The following SLC9A9 variants were observed in gnomAD, a reference collection of about 807,000 sequenced individuals.
SLC9A9 encodes the protein sodium/hydrogen exchanger 9.
In SLC9A9, 62 loss-of-function variants were observed where a neutral mutation model predicts 77.8. The ratio of observed to expected loss-of-function variants is 0.80; its 90% CI spans 0.65 to 0.98. The LOEUF (loss-of-function observed/expected upper bound fraction) is 0.98, where lower values mean the gene tolerates loss of function less well. Among genes scored for constraint, SLC9A9 ranks in the 50% least tolerant of loss-of-function variants. The pLI is 0.00. For synonymous variants in SLC9A9, 320 were observed against 283.5 expected (o/e 1.13, Z -1.29); for missense variants, 775 against 774.9 (o/e 1.00, Z 0.00).
At chr3:143,813,923 G>A (rs2008936336) in intron 2 of SLC9A9, among the ~76,000 whole-genome samples, 1 of 152,166 alleles carries the variant, frequency 6.6e-6, no homozygotes, top group Non-Finnish European at 1.5e-5. Flanking sequence ...GGAAACCATT[G>A]CCAGGCTGCA....
At chr3:143,789,842 T>A (rs146153694) in intron 4 of SLC9A9, among the ~76,000 whole-genome samples, 123 of 152,244 alleles carry the variant, frequency 8.1e-4, no homozygotes, top group African/African-American at 2.6e-3. Context: ...AGAAGCCCAA[T>A]GAGAAATCAA....
At chr3:143,449,590 AAT>A (rs1304498173) in intron 12 of SLC9A9, among the ~76,000 whole-genome samples, 3 of 19,706 alleles carry the variant, frequency 1.5e-4, no homozygotes, top group Non-Finnish European at 2.2e-4. Flanking sequence ...AATTATATAA[AAT>A]ATAATTATAT....
At chr3:143,286,284 CAATA>C (rs1938379895) in intron 14 of SLC9A9, among the ~76,000 whole-genome samples, 1 of 152,120 alleles carries the variant, frequency 6.6e-6, no homozygotes, top group South Asian at 2.1e-4. Flanking sequence ...GTGGGGGTCT[CAATA>C]AACCTTCCCA....
chr3:143,657,063 G>A (rs534549741), intron 5 of SLC9A9, among the ~76,000 whole-genome samples: 1 of 152,230 alleles, frequency 6.6e-6, no homozygotes, highest in East Asian at 1.9e-4. Flanking sequence ...GCTGAAATAT[G>A]GGAATTATTT....
intron 2 of SLC9A9, among the ~76,000 whole-genome samples, chr3:143,798,932 C>T (rs987891184): frequency 1.3e-5 from 2 of 152,102 alleles, no homozygotes; most frequent in Non-Finnish European, 2.9e-5. Context: ...CCAGGCTGCT[C>T]CTTGCCAGGC....
chr3:143,517,452 C>A, intron 9 of SLC9A9: 1 of 1,597,464 alleles, frequency 6.3e-7, no homozygotes, highest in East Asian at 2.2e-5. Flanking sequence ...CTCTCATGCT[C>A]CTCTTGAGCC....
In SLC9A9 at chr3:143,703,407, A is replaced by T. The variant is rs150974662; in HGVS notation, c.534-10100T>A. Among the ~76,000 whole-genome samples the T allele has an allele frequency of 5.4e-3, 824 of 152,236 alleles. 8 individuals are homozygous for T. The highest frequency in any genetic ancestry group is 0.019 in the African/African-American group (794 of 41,558). On this transcript the variant is annotated intron_variant, in intron 4 of 15. Coordinates refer to ENST00000316549, the MANE Select transcript of SLC9A9 (RefSeq NM_173653.4). ...TGGAATAAAACAAAAAAATAGTAAC[A>T]AGGAGAATTTTGGAAACTATACAAA...
chr3:143,300,216 C>T (rs1358042085), intron 14 of SLC9A9, among the ~76,000 whole-genome samples: 1 of 152,156 alleles, frequency 6.6e-6, no homozygotes, highest in Non-Finnish European at 1.5e-5. Context: ...TAGGTCTGAG[C>T]CTCAGTTTGG....
At chr3:143,570,586 A>G (rs977685379) in intron 8 of SLC9A9, among the ~76,000 whole-genome samples, 1 of 152,314 alleles carries the variant, frequency 6.6e-6, no homozygotes, top group Middle Eastern at 3.4e-3. Context: ...AATAATCAAA[A>G]GGTTGTTACA....
Position 143,518,090 on chromosome 3 carries a change from T to C in SLC9A9, c.1090-22642A>G, listed in dbSNP as rs2036233634. On this transcript the variant is annotated intron_variant, in intron 9 of 15. Transcript: ENST00000316549. Reference sequence around the variant, plus strand: ...GGTATTTTCTTCTGATTTAGCTTTCTGAGTAGCAGGTGGTACTTTACCTCC... The same window carrying C: ...GGTATTTTCTTCTGATTTAGCTTTCCGAGTAGCAGGTGGTACTTTACCTCC... 6.4e-6 allele frequency: 10 copies of C among 1,572,478 alleles called. No homozygotes were observed. In the Admixed American group the frequency reaches 8.3e-5, roughly 13 times the overall value.
intron 6 of SLC9A9, among the ~76,000 whole-genome samples, chr3:143,630,820 G>A (rs898877345): frequency 1.3e-5 from 2 of 152,070 alleles, no homozygotes; most frequent in African/African-American, 4.8e-5. Flanking sequence ...TCAGTTAATA[G>A]CTTAAAACAA....
chr3:143,826,024 T>C (rs2121774), intron 2 of SLC9A9, among the ~76,000 whole-genome samples: 139,724 of 152,174 alleles, frequency 0.92, 64,709 homozygotes, highest in South Asian at 0.98. Flanking sequence ...TTTGGGAGGC[T>C]GAGGCAGGCA....
intron 14 of SLC9A9, among the ~76,000 whole-genome samples, chr3:143,317,871 G>T (rs1168422266): frequency 1.3e-5 from 2 of 152,124 alleles, no homozygotes; most frequent in Non-Finnish European, 2.9e-5. Context: ...GAGACTACAG[G>T]CACCCGCCAC....
In SLC9A9 at chr3:143,368,494, T is replaced by C. The variant is rs112214792; in HGVS notation, c.1525-4931A>G. Among the ~76,000 whole-genome samples the C allele has an allele frequency of 2.2e-4, 33 of 152,318 alleles. 1 individual carries two copies. The highest frequency in any genetic ancestry group is 7.0e-4 in the African/African-American group (29 of 41,564). On this transcript the variant is annotated intron_variant, in intron 13 of 15. Coordinates refer to ENST00000316549, the MANE Select transcript of SLC9A9 (RefSeq NM_173653.4). ...TCTGCTTTGGGATAATCATACGGGATTGCTCCTCATTTCAGGGGGATTCAG... is the reference window on the plus strand; with the variant it reads ...TCTGCTTTGGGATAATCATACGGGACTGCTCCTCATTTCAGGGGGATTCAG...
In SLC9A9 at chr3:143,431,583, G is replaced by C. The variant is rs192648759; in HGVS notation, c.1469+35454C>G. On this transcript the variant is annotated intron_variant, in intron 12 of 15. Transcript: ENST00000316549. Reference sequence around the variant, plus strand: ...CTGCAAGCTCCGCCTCCCAGGTTCAGGCCATTCTCCTGCCTCAGCCTCCTG... The same window carrying C: ...CTGCAAGCTCCGCCTCCCAGGTTCACGCCATTCTCCTGCCTCAGCCTCCTG... Among the ~76,000 whole-genome samples the C allele has an allele frequency of 5.9e-4, 89 of 150,978 alleles. 1 individual carries two copies. The East Asian group carries it at 0.016, about 27-fold the overall frequency.
chr3:143,691,935 A>G (rs968057148), intron 5 of SLC9A9, among the ~76,000 whole-genome samples: 6 of 152,110 alleles, frequency 3.9e-5, no homozygotes, highest in African/African-American at 1.4e-4. Context: ...TAGCAATCCA[A>G]TAATATGATG....
At chr3:143,351,963 C>T (rs1326506320) in intron 14 of SLC9A9, among the ~76,000 whole-genome samples, 1 of 152,110 alleles carries the variant, frequency 6.6e-6, no homozygotes, top group East Asian at 1.9e-4. Context: ...AAAAGTTGGC[C>T]AATCCAGTTA....
intron 8 of SLC9A9, among the ~76,000 whole-genome samples, chr3:143,563,448 T>C (rs980615473): frequency 2.6e-5 from 4 of 152,012 alleles, no homozygotes; most frequent in African/African-American, 9.7e-5. Flanking sequence ...ATACTGGGAG[T>C]CAGAAGACAT....
intron 4 of SLC9A9, among the ~76,000 whole-genome samples, chr3:143,779,436 A>G (rs2007800800): frequency 6.6e-6 from 1 of 152,082 alleles, no homozygotes; most frequent in African/African-American, 2.4e-5. Flanking sequence ...AAGTGGCACA[A>G]TCTCGGCTCA....
Sources: allele counts gnomAD v4.1 joint callset (sites outside exome capture counted in the v4.1 genomes callset), GRCh38; gene constraint gnomAD v4.1.1; transcripts MANE v1.5; gene names NCBI Gene and HGNC (gene_info 2026-07-23, HGNC 2026-07-21).